The following CPSF4 variants were observed in gnomAD, a reference collection of about 807,000 sequenced individuals.
CPSF4 encodes cleavage and polyadenylation specificity factor subunit 4.
Under a neutral mutation model 37.7 loss-of-function variants are expected in CPSF4, and 11 were observed. The observed-to-expected ratio is 0.29, with a 90% CI of 0.18 to 0.48. The LOEUF (loss-of-function observed/expected upper bound fraction) is 0.48. CPSF4 is among the 20% of genes least tolerant of loss of function. The pLI is 0.99. For synonymous variants in CPSF4, 132 were observed against 135.9 expected (o/e 0.97, Z 0.20); for missense variants, 144 against 359.5 (o/e 0.40, Z 4.85).
In CPSF4 at chr7:99,448,522, A is replaced by G; in HGVS notation, c.307+249A>G. On this transcript the variant is annotated intron_variant, in intron 3 of 7. Coordinates refer to ENST00000292476, the MANE Select transcript of CPSF4 (RefSeq NM_006693.4). The surrounding 1 kb of genome is among the most constrained non-coding windows in gnomAD (Gnocchi z 4.4). ...GCTATGTTTCACATACTGGTCTTGA[A>G]CTCCTGGGCTCGAGTGATCTGCCTG... 2.9e-6 allele frequency: 1 copy of G among 349,786 alleles called. No homozygotes were observed. Among genetic ancestry groups the G allele is most frequent in the African/African-American group, 2.3e-5 (1 of 43,870 alleles). 21.7% of individuals were successfully genotyped at this position (349,786 alleles called of 1,614,324 possible). A position where few individuals can be genotyped will look rare whatever the true frequency, so the allele number is the denominator to read the frequency against.
intron 2 of CPSF4, among the ~76,000 whole-genome samples, chr7:99,447,534 C>T (rs548279396): frequency 1.9e-4 from 28 of 151,346 alleles, no homozygotes; most frequent in Non-Finnish European, 3.5e-4. Context: ...CCTCCCAGCA[C>T]CTCCCCCCTT....
rs1176118242 is a variant in CPSF4, at chr7:99,450,381, A to G, written c.403+10A>G. On this transcript the variant is annotated intron_variant, in intron 4 of 7. Coordinates refer to ENST00000292476, the MANE Select transcript of CPSF4 (RefSeq NM_006693.4). ...GGCTTCTGCAAGCACGGTAGGTGCCAGGGTGGGCTGGGCCCCGGGCAAGAA... is the reference window on the plus strand; with the variant it reads ...GGCTTCTGCAAGCACGGTAGGTGCCGGGGTGGGCTGGGCCCCGGGCAAGAA... 1.3e-6 allele frequency: 2 copies of G among 1,598,790 alleles called. No homozygotes were observed. The highest frequency in any genetic ancestry group is 1.7e-5 in the Admixed American group (1 of 59,756).
At chr7:99,439,644 A>G (rs1020607374) in intron 1 of CPSF4, 1 of 154,872 alleles carries the variant, frequency 6.5e-6, no homozygotes, top group Non-Finnish European at 1.4e-5. Flanking sequence ...ATTCTTGAAT[A>G]AGGGTGGGTT....
intron 1 of CPSF4, among the ~76,000 whole-genome samples, chr7:99,440,195 T>C (rs549777652): frequency 6.6e-6 from 1 of 152,214 alleles, no homozygotes; most frequent in Admixed American, 6.5e-5. Context: ...ACTCAGTGCA[T>C]AGCAGAGGCG....
At chr7:99,447,907 G>T (rs1422661395) in intron 2 of CPSF4, 1 of 602,998 alleles carries the variant, frequency 1.7e-6, no homozygotes, top group Non-Finnish European at 3.1e-6. Flanking sequence ...ACTGCGCCCG[G>T]CCATGAGTAA....
intron 7 of CPSF4, among the ~76,000 whole-genome samples, chr7:99,456,134 G>C (rs1336891865): frequency 6.6e-6 from 1 of 152,236 alleles, no homozygotes; most frequent in Non-Finnish European, 1.5e-5. Context: ...ATGTGTCCAG[G>C]TGGGAGAGTT....
intron 1 of CPSF4, among the ~76,000 whole-genome samples, chr7:99,444,508 C>T (rs1373434508): frequency 2.0e-5 from 3 of 152,054 alleles, no homozygotes; most frequent in African/African-American, 7.2e-5. Flanking sequence ...TTCCTTTCCC[C>T]ACCCACTCTT....
chr7:99,456,297 G>C, intron 7 of CPSF4, 135 bp from the exon 8 acceptor site: 1 of 747,976 alleles, frequency 1.3e-6, no homozygotes, highest in Non-Finnish European at 2.3e-6. Context: ...GTACCACTGA[G>C]AATTTCAGAG....
chr7:99,456,785 G>A lies in CPSF4; in HGVS notation c.*285G>A. On this transcript the variant is annotated 3_prime_UTR_variant, in exon 8 of 8. Coordinates refer to ENST00000292476, the MANE Select transcript of CPSF4 (RefSeq NM_006693.4). Reference sequence around the variant, plus strand: ...GGCACAACTCCCCTCATCCAGGGAGGGAGGCAGCTGCTGGGGAGGGGCTTG... The same window carrying A: ...GGCACAACTCCCCTCATCCAGGGAGAGAGGCAGCTGCTGGGGAGGGGCTTG... The A allele has an allele frequency of 2.0e-6, 1 of 505,454 alleles. No individual in the cohort carries two copies. The highest frequency in any genetic ancestry group is 3.8e-5 in the East Asian group (1 of 26,220). The allele number at this position is 505,454 out of a possible 1,614,324, so 31.3% of individuals were successfully genotyped here.
rs760776672 is a variant in CPSF4, at chr7:99,439,067, G to GGCC, written c.-3_-1dup. On this transcript the variant is annotated 5_prime_UTR_variant, in exon 1 of 8. Coordinates refer to ENST00000292476, the MANE Select transcript of CPSF4 (RefSeq NM_006693.4). ...GACCGAGGGGGAGCCGGGCCGGTGG[G>GGCC]GCCGCCGCCGCCGCCATGCAGGAAA... 85 of 1,599,980 alleles carry GGCC rather than the reference G, an allele frequency of 5.3e-5. No individual in the cohort carries two copies. The highest frequency in any genetic ancestry group is 1.1e-4 in the African/African-American group (8 of 74,596).
In CPSF4 at chr7:99,453,835, G is replaced by A; in HGVS notation, c.571-131G>A. ...GTTTCTCTGCTGCCCACTGTCCTGA[G>A]GTGGGCCGTCGTGGAAGCCCTGCTT... On this transcript the variant is annotated intron_variant, in intron 6 of 7. Transcript: ENST00000292476. This position sits in a 1 kb window ranked among gnomAD's most constrained non-coding sequence, Gnocchi z 4.7. 1 of 783,362 alleles carries A rather than the reference G, an allele frequency of 1.3e-6. No individual in the cohort carries two copies. Among genetic ancestry groups the A allele is most frequent in the East Asian group, 2.5e-5 (1 of 40,448 alleles). 48.5% of individuals were successfully genotyped at this position (783,362 alleles called of 1,614,324 possible).
Position 99,453,307 on chromosome 7 carries a change from C to CG in CPSF4, c.571-657dup. 1 of 152,636 alleles carries CG rather than the reference C, an allele frequency of 6.6e-6. No individual in the cohort carries two copies. Among genetic ancestry groups the CG allele is most frequent in the Non-Finnish European group, 1.5e-5 (1 of 68,414 alleles). The allele number at this position is 152,636 out of a possible 1,614,324, so 9.5% of individuals were successfully genotyped here. On this transcript the variant is annotated intron_variant, in intron 6 of 7. Coordinates refer to ENST00000292476, the MANE Select transcript of CPSF4 (RefSeq NM_006693.4). This position sits in a 1 kb window ranked among gnomAD's most constrained non-coding sequence, Gnocchi z 4.7. ...GAGGCTGAACAGCCAGGAGAGGATGCGGAGGATGTAGCTGCGTGGAGGCGC... is the reference window on the plus strand; with the variant it reads ...GAGGCTGAACAGCCAGGAGAGGATGCGGGAGGATGTAGCTGCGTGGAGGCGC...
chr7:99,444,063 TTGTC>T (rs1243040521), intron 1 of CPSF4, among the ~76,000 whole-genome samples: 1 of 152,230 alleles, frequency 6.6e-6, no homozygotes, highest in South Asian at 2.1e-4. Context: ...GAGGCCCTGA[TTGTC>T]TGTACGTCTG....
At chr7:99,454,922 G>C (rs1009836357) in intron 7 of CPSF4, among the ~76,000 whole-genome samples, 3 of 152,156 alleles carry the variant, frequency 2.0e-5, no homozygotes, top group African/African-American at 7.2e-5. Context: ...GGGTGTGGTG[G>C]TGCACGCCTG....
rs1798346676 is a variant in CPSF4, at chr7:99,456,781, G to A, written c.*281G>A. On this transcript the variant is annotated 3_prime_UTR_variant, in exon 8 of 8. Transcript: ENST00000292476. ...TCCCGGCACAACTCCCCTCATCCAG[G>A]GAGGGAGGCAGCTGCTGGGGAGGGG... The A allele has an allele frequency of 3.9e-6, 2 of 512,650 alleles. No homozygotes were observed. The highest frequency in any genetic ancestry group is 2.9e-5 in the Admixed American group (1 of 34,054). 31.8% of individuals were successfully genotyped at this position (512,650 alleles called of 1,614,324 possible). A position where few individuals can be genotyped will look rare whatever the true frequency, so the allele number is the denominator to read the frequency against.
chr7:99,455,392 A>G (rs1213968951), intron 7 of CPSF4, among the ~76,000 whole-genome samples: 1 of 152,084 alleles, frequency 6.6e-6, no homozygotes, highest in African/African-American at 2.4e-5. Flanking sequence ...ACACCTGCAG[A>G]TCAGACAAAG....
chr7:99,452,364 C>A lies in CPSF4; in HGVS notation c.498-4C>A. 2 of 1,613,598 alleles carry A rather than the reference C, an allele frequency of 1.2e-6. No individual in the cohort carries two copies. Among genetic ancestry groups the A allele is most frequent in the Non-Finnish European group, 1.7e-6 (2 of 1,179,622 alleles). On this transcript the variant is annotated splice_polypyrimidine_tract_variant and splice_region_variant and intron_variant, in intron 5 of 7. Transcript: ENST00000292476. ...TCTCATCCCCTCTGGCTGCTGGTGACCAGCCCTCGATTTGAACTGCCCATG... is the reference window on the plus strand; with the variant it reads ...TCTCATCCCCTCTGGCTGCTGGTGAACAGCCCTCGATTTGAACTGCCCATG...
chr7:99,452,598 G>A (rs1439406839), intron 6 of CPSF4, 158 bp downstream of exon 6: 19 of 654,592 alleles, frequency 2.9e-5, no homozygotes, highest in Admixed American at 1.3e-4. Flanking sequence ...GAGCAAAGCC[G>A]TGTATATCTC....
intron 5 of CPSF4, chr7:99,451,108 A>G (rs1797900836): frequency 3.9e-6 from 1 of 255,444 alleles, no homozygotes; most frequent in African/African-American, 2.2e-5. Context: ...ACTTCCAGTT[A>G]AGAACCTGTG....
Sources: allele counts gnomAD v4.1 joint callset (sites outside exome capture counted in the v4.1 genomes callset), GRCh38; gene constraint gnomAD v4.1.1; non-coding constraint Gnocchi (gnomAD v3.1); transcripts MANE v1.5; gene names NCBI Gene and HGNC (gene_info 2026-07-23, HGNC 2026-07-21).